RAPGEF2: variants seen among roughly 807,000 people sequenced by gnomAD.
RAPGEF2 encodes the protein Rap guanine nucleotide exchange factor 2.
Under a neutral mutation model 186.7 loss-of-function variants are expected in RAPGEF2, and 54 were observed. The observed-to-expected ratio is 0.29, with a 90% CI of 0.23 to 0.36. The LOEUF is 0.36. Ranked by LOEUF, RAPGEF2 falls within the 10% of genes least tolerant of loss-of-function variation. RAPGEF2 has a pLI of 1.00. For synonymous variants in RAPGEF2, 712 were observed against 705.9 expected, an observed-to-expected ratio of 1.01 and a Z score of -0.14; for missense variants, 1,532 against 2,045.0, an observed-to-expected ratio of 0.75 and a Z score of 4.84.
At chr4:159,144,879 GTTTTTTT>G (rs137978885) in intron 1 of RAPGEF2, among the ~76,000 whole-genome samples, 37 of 92,316 alleles carry the variant, frequency 4.0e-4, no homozygotes, top group Admixed American at 2.6e-3. Context: ...CTTTCTTCCT[GTTTTTTT>G]TTTTTTTTTT....
chr4:159,106,802 A>G lies in RAPGEF2; in HGVS notation c.69+2571A>G, dbSNP rs116987564. ...CATAGTTTTGTATTTAGGTCAATCA[A>G]TTGCCTAGAAGTAATCCTGATGTCA... On this transcript the variant is annotated intron_variant, in intron 1 of 29. Coordinates refer to ENST00000691494, the MANE Select transcript of RAPGEF2 (RefSeq NM_001394067.2). Among the ~76,000 whole-genome samples the G allele has an allele frequency of 2.2e-4, 34 of 152,310 alleles. No homozygotes were observed. In the South Asian group the frequency reaches 2.7e-3, roughly 12 times the overall value.
chr4:159,169,141 A>C (rs1485048571), intron 1 of RAPGEF2, among the ~76,000 whole-genome samples: 1 of 151,918 alleles, frequency 6.6e-6, no homozygotes, highest in Non-Finnish European at 1.5e-5. Context: ...GTGAACTGCA[A>C]ATGAAGGGAA....
chr4:159,171,367 A>C (rs1268227054), intron 1 of RAPGEF2, among the ~76,000 whole-genome samples: 1 of 152,204 alleles, frequency 6.6e-6, no homozygotes, highest in South Asian at 2.1e-4. Flanking sequence ...AGAAAATCTT[A>C]GATACTCTTA....
At chr4:159,250,959 G>A (rs901002620) in intron 7 of RAPGEF2, among the ~76,000 whole-genome samples, 10 of 152,176 alleles carry the variant, frequency 6.6e-5, no homozygotes, top group African/African-American at 1.4e-4. Context: ...TGTGCGCCAC[G>A]CTCATGGGCC....
intron 1 of RAPGEF2, among the ~76,000 whole-genome samples, chr4:159,133,805 G>A (rs868863329): frequency 1.2e-4 from 18 of 152,046 alleles, no homozygotes; most frequent in Admixed American, 2.6e-4. Flanking sequence ...GGATGGTCTC[G>A]ATCTCCTGAC....
chr4:159,184,680 C>T (rs192012811), intron 1 of RAPGEF2, among the ~76,000 whole-genome samples: 28 of 152,224 alleles, frequency 1.8e-4, no homozygotes, highest in African/African-American at 4.1e-4. Flanking sequence ...AATTTTCTCC[C>T]GTTCTGTAGG....
chr4:159,232,095 A>C (rs986169918), intron 4 of RAPGEF2, among the ~76,000 whole-genome samples: 1 of 152,064 alleles, frequency 6.6e-6, no homozygotes, highest in Non-Finnish European at 1.5e-5. Context: ...TTTCTTTTCT[A>C]AGCTTTTTTT....
At chr4:159,212,997 T>G (rs1750672061) in intron 4 of RAPGEF2, among the ~76,000 whole-genome samples, 1 of 152,234 alleles carries the variant, frequency 6.6e-6, no homozygotes, top group Non-Finnish European at 1.5e-5. Flanking sequence ...CGTCTAATTA[T>G]TTTAAAAGAT....
At chr4:159,286,526 C>T (rs1760522996) in intron 7 of RAPGEF2, among the ~76,000 whole-genome samples, 1 of 152,120 alleles carries the variant, frequency 6.6e-6, no homozygotes, top group Non-Finnish European at 1.5e-5. Flanking sequence ...TCCTCAGTAG[C>T]TCTCTATTGC....
chr4:159,130,908 C>T (rs1740978207), intron 1 of RAPGEF2, among the ~76,000 whole-genome samples: 1 of 152,130 alleles, frequency 6.6e-6, no homozygotes, highest in South Asian at 2.1e-4. Context: ...CGGGGTTTCA[C>T]CATGTTGCCC....
chr4:159,311,388 A>T (rs1468007079), intron 8 of RAPGEF2, among the ~76,000 whole-genome samples: 2 of 152,174 alleles, frequency 1.3e-5, no homozygotes, highest in Non-Finnish European at 2.9e-5. Flanking sequence ...GTCAAATTCC[A>T]CAAATATAAA....
chr4:159,356,962 C>T (rs2111356792), intron 29 of RAPGEF2, among the ~76,000 whole-genome samples: 1 of 152,288 alleles, frequency 6.6e-6, no homozygotes, highest in African/African-American at 2.4e-5. Flanking sequence ...ATTTTAGAAG[C>T]ATGTAGGATT....
chr4:159,150,686 C>T (rs1284672639), intron 1 of RAPGEF2, among the ~76,000 whole-genome samples: 1 of 152,190 alleles, frequency 6.6e-6, no homozygotes, highest in Non-Finnish European at 1.5e-5. Flanking sequence ...TTTTGGTGCT[C>T]TGTGCATGTC....
intron 7 of RAPGEF2, among the ~76,000 whole-genome samples, chr4:159,273,630 CTTTCTTTCTTTCTTT>C (rs1758404871): frequency 2.7e-4 from 3 of 10,910 alleles, no homozygotes; most frequent in South Asian, 6.5e-3. Flanking sequence ...TAATCAGTTT[CTTTCTTTCTTTCTTT>C]CTTTCTTTCT....
At chr4:159,108,537 A>G (rs532993506) in intron 1 of RAPGEF2, among the ~76,000 whole-genome samples, 1 of 152,168 alleles carries the variant, frequency 6.6e-6, no homozygotes, top group Admixed American at 6.6e-5. Flanking sequence ...GTGTTATTCT[A>G]AAGCTCAGTT....
At chr4:159,254,874 C>T (rs1035086455) in intron 7 of RAPGEF2, among the ~76,000 whole-genome samples, 2 of 152,064 alleles carry the variant, frequency 1.3e-5, no homozygotes, top group African/African-American at 4.8e-5. Flanking sequence ...GTGCTGGGAT[C>T]ACAGGCGTGA....
intron 1 of RAPGEF2, among the ~76,000 whole-genome samples, chr4:159,113,734 C>CT (rs1031691491): frequency 1.1e-4 from 12 of 108,584 alleles, no homozygotes; most frequent in African/African-American, 3.9e-4. Context: ...GGATGAGACT[C>CT]TGTCTCAAAA....
chr4:159,127,877 T>C (rs1195363893), intron 1 of RAPGEF2, among the ~76,000 whole-genome samples: 4 of 152,216 alleles, frequency 2.6e-5, no homozygotes, highest in East Asian at 1.9e-4. Flanking sequence ...AATTGATTCT[T>C]AGAAAATTGC....
intron 7 of RAPGEF2, among the ~76,000 whole-genome samples, chr4:159,283,978 G>A (rs889102493): frequency 1.3e-5 from 2 of 152,082 alleles, no homozygotes; most frequent in Non-Finnish European, 2.9e-5. Flanking sequence ...GAGAATCTGT[G>A]CCAAAAGAGG....
Sources: gnomAD v4.1 joint callset for allele counts (sites outside exome capture counted in the v4.1 genomes callset) on GRCh38, gnomAD v4.1.1 for gene constraint, MANE v1.5 for transcripts, NCBI Gene and HGNC (gene_info 2026-07-23, HGNC 2026-07-21) for gene names.